The following KCND2 variants were observed in gnomAD, a reference collection of about 807,000 sequenced individuals.
KCND2 encodes A-type voltage-gated potassium channel KCND2.
Under a neutral mutation model 54.4 loss-of-function variants are expected in KCND2, and 16 were observed. The ratio of observed to expected loss-of-function variants is 0.29; its 90% CI spans 0.20 to 0.45. The LOEUF (loss-of-function observed/expected upper bound fraction) is 0.45. Ranked by LOEUF, KCND2 falls within the 20% of genes least tolerant of loss-of-function variation. The pLI, the probability that KCND2 is intolerant of heterozygous loss-of-function variation, is 1.00. For missense variants in KCND2, 486 were observed against 824.2 expected, an observed-to-expected ratio of 0.59 and a Z score of 5.02; for synonymous variants, 317 against 310.7, an observed-to-expected ratio of 1.02 and a Z score of -0.21.
chr7:120,635,141 A>G (rs965661696), intron 1 of KCND2, among the ~76,000 whole-genome samples: 4 of 152,112 alleles, frequency 2.6e-5, no homozygotes, highest in East Asian at 1.9e-4. Context: ...TGACACTTAC[A>G]TTTCTTACTT....
chr7:120,518,259 A>T (rs914829447), intron 1 of KCND2, among the ~76,000 whole-genome samples: 1 of 152,154 alleles, frequency 6.6e-6, no homozygotes, highest in Non-Finnish European at 1.5e-5. Flanking sequence ...CCATCCAGAG[A>T]TGTTTTCCCA....
chr7:120,677,253 G>T (rs2116581690), intron 1 of KCND2, among the ~76,000 whole-genome samples: 1 of 152,252 alleles, frequency 6.6e-6, no homozygotes, highest in East Asian at 1.9e-4. Flanking sequence ...TGAATAAATG[G>T]AAATGCAAAG....
At chr7:120,612,391 A>C (rs1023221933) in intron 1 of KCND2, among the ~76,000 whole-genome samples, 1 of 152,212 alleles carries the variant, frequency 6.6e-6, no homozygotes, top group Non-Finnish European at 1.5e-5. Context: ...TAAATAAAGC[A>C]ATTAAGAATC....
At chr7:120,529,483 C>T (rs935727593) in intron 1 of KCND2, among the ~76,000 whole-genome samples, 1 of 152,098 alleles carries the variant, frequency 6.6e-6, no homozygotes, top group Non-Finnish European at 1.5e-5. Flanking sequence ...CAGTAAAATC[C>T]CAAAGAGCAA....
chr7:120,419,658 A>G (rs75602662), intron 1 of KCND2, among the ~76,000 whole-genome samples: 208 of 152,320 alleles, frequency 1.4e-3, no homozygotes, highest in Non-Finnish European at 2.3e-3. Context: ...ACATGCATGT[A>G]TGTGTGTATA....
intron 1 of KCND2, among the ~76,000 whole-genome samples, chr7:120,582,633 A>C (rs1792531631): frequency 6.6e-6 from 1 of 152,084 alleles, no homozygotes; most frequent in Admixed American, 6.5e-5. Flanking sequence ...CCCATTCCAT[A>C]AAGTGGGCTT....
intron 1 of KCND2, among the ~76,000 whole-genome samples, chr7:120,356,580 G>A (rs1366849907): frequency 6.6e-6 from 1 of 152,074 alleles, no homozygotes; most frequent in East Asian, 1.9e-4. Context: ...GGCCCAGTCT[G>A]GCCCACTGTT....
intron 1 of KCND2, among the ~76,000 whole-genome samples, chr7:120,679,337 G>T (rs1005437470): frequency 2.0e-5 from 3 of 151,806 alleles, no homozygotes; most frequent in African/African-American, 7.2e-5. Context: ...CTGTTCACAG[G>T]GCTTAATAAC....
rs1397383978 is a variant in KCND2, at chr7:120,309,478, C to CATATATATATATATATATATAT, written c.1115+33732_1115+33733insTATATATATATATATATATATA. Among the ~76,000 whole-genome samples the CATATATATATATATATATATAT allele has an allele frequency of 4.8e-5, 4 of 82,602 alleles. No individual in the cohort carries two copies. In the East Asian group the frequency reaches 2.4e-3, roughly 49 times the overall value. 54.2% of individuals were successfully genotyped at this position (82,602 alleles called of 152,430 possible). A position where few individuals can be genotyped will look rare whatever the true frequency, so the allele number is the denominator to read the frequency against. On this transcript the variant is annotated intron_variant, in intron 1 of 5. Transcript: ENST00000331113. Reference sequence around the variant, plus strand: ...ATATATATATATATATATATATACACACACACACACACACACACACACACA... The same window carrying CATATATATATATATATATATAT: ...ATATATATATATATATATATATACACATATATATATATATATATATATACACACACACACACACACACACACA...
intron 1 of KCND2, among the ~76,000 whole-genome samples, chr7:120,281,416 C>T (rs1426820639): frequency 4.2e-5 from 4 of 95,624 alleles, no homozygotes; most frequent in Non-Finnish European, 4.3e-5. Flanking sequence ...TGTGGGATAG[C>T]GTCTGATATT....
chr7:120,483,836 G>A (rs969086282), intron 1 of KCND2, among the ~76,000 whole-genome samples: 3 of 152,172 alleles, frequency 2.0e-5, no homozygotes, highest in African/African-American at 4.8e-5. Context: ...TAGACATGTC[G>A]AGTGTATAAA....
intron 1 of KCND2, among the ~76,000 whole-genome samples, chr7:120,582,659 G>T (rs1792531997): frequency 6.6e-6 from 1 of 151,904 alleles, no homozygotes; most frequent in Non-Finnish European, 1.5e-5. Flanking sequence ...TCAAGATATA[G>T]ACCCAAGCAA....
chr7:120,419,432 A>T (rs1450076129), intron 1 of KCND2, among the ~76,000 whole-genome samples: 1 of 152,230 alleles, frequency 6.6e-6, no homozygotes, highest in Non-Finnish European at 1.5e-5. Context: ...AATATAGTCC[A>T]ATCTCATTTG....
rs576343702 is a variant in KCND2 at position 120,384,428 on chromosome 7, TCTC to T, written c.1115+108684_1115+108686del. On this transcript the variant is annotated intron_variant, in intron 1 of 5. Coordinates refer to ENST00000331113, the MANE Select transcript of KCND2 (RefSeq NM_012281.3). ...ACCACTAGCTTCATCAGCAAAAACT[TCTC>T]CTTGCGCTCCACCAGTGACACACAT... 4.4e-3 allele frequency among the ~76,000 whole-genome samples: 675 copies of T among 152,248 alleles called. 6 individuals carry two copies. Among genetic ancestry groups the T allele is most frequent in the African/African-American group, 0.015 (632 of 41,554 alleles).
chr7:120,645,062 G>A (rs964448926), intron 1 of KCND2, among the ~76,000 whole-genome samples: 1 of 152,114 alleles, frequency 6.6e-6, no homozygotes, highest in African/African-American at 2.4e-5. Flanking sequence ...CAGACAGCAT[G>A]TGTTATAGGT....
intron 1 of KCND2, among the ~76,000 whole-genome samples, chr7:120,642,357 G>A (rs945005883): frequency 2.7e-5 from 4 of 147,524 alleles, no homozygotes; most frequent in African/African-American, 5.0e-5. Context: ...CCAGGAGTTC[G>A]AGACCAGCCT....
intron 1 of KCND2, among the ~76,000 whole-genome samples, chr7:120,707,753 A>T (rs892736357): frequency 3.3e-5 from 5 of 152,032 alleles, no homozygotes; most frequent in African/African-American, 1.2e-4. Flanking sequence ...AAGTAGAGGG[A>T]CATTGTTTCT....
chr7:120,569,853 T>C (rs1792340873), intron 1 of KCND2, among the ~76,000 whole-genome samples: 1 of 152,124 alleles, frequency 6.6e-6, no homozygotes, highest in African/African-American at 2.4e-5. Flanking sequence ...GGCTGGCAGC[T>C]TGCACAAGAC....
intron 1 of KCND2, among the ~76,000 whole-genome samples, chr7:120,354,782 A>C (rs993926862): frequency 8.5e-5 from 13 of 152,134 alleles, no homozygotes; most frequent in African/African-American, 1.2e-4. Flanking sequence ...GAAAGAAAAG[A>C]AAAGAAAAGC....
Sources: gnomAD v4.1 joint callset for allele counts (sites outside exome capture counted in the v4.1 genomes callset) on GRCh38, gnomAD v4.1.1 for gene constraint, MANE v1.5 for transcripts, NCBI Gene and HGNC (gene_info 2026-07-23, HGNC 2026-07-21) for gene names.